The following SLC41A3 variants were observed in gnomAD, a reference collection of about 807,000 sequenced individuals.
SLC41A3 encodes the protein SLC41A1-like 2.
In SLC41A3, 44 loss-of-function variants were observed where a neutral mutation model predicts 45.4. The observed-to-expected ratio is 0.97, with a 90% CI of 0.76 to 1.25. SLC41A3 has a LOEUF of 1.25. Ranked by LOEUF, SLC41A3 falls within the 50% of genes most tolerant of loss-of-function variation. SLC41A3 has a pLI of 0.00. For missense variants in SLC41A3, 550 were observed against 600.6 expected, an observed-to-expected ratio of 0.92 and a Z score of 0.88; for synonymous variants, 256 against 252.4, an observed-to-expected ratio of 1.01 and a Z score of -0.13.
chr3:126,048,397 G>A (rs1189884171), intron 3 of SLC41A3, among the ~76,000 whole-genome samples: 3 of 152,070 alleles, frequency 2.0e-5, no homozygotes, highest in South Asian at 2.1e-4. Context: ...CAGTGTGTAC[G>A]GGAGTATATA....
intron 1 of SLC41A3, among the ~76,000 whole-genome samples, chr3:126,090,355 T>C (rs1241998426): frequency 6.6e-6 from 1 of 152,196 alleles, no homozygotes; most frequent in Non-Finnish European, 1.5e-5. Flanking sequence ...TACACAGAAA[T>C]TGGTCTTACT....
chr3:126,017,747 C>T (rs1048396423), intron 6 of SLC41A3, among the ~76,000 whole-genome samples: 1 of 152,186 alleles, frequency 6.6e-6, no homozygotes, highest in African/African-American at 2.4e-5. Context: ...CATGTACTCC[C>T]TCTCTGGGGG....
chr3:126,035,944 CT>C (rs976892333), intron 3 of SLC41A3, among the ~76,000 whole-genome samples: 2 of 152,104 alleles, frequency 1.3e-5, no homozygotes, highest in African/African-American at 4.8e-5. Context: ...TGGGGCCAGT[CT>C]GAATAGGAAT....
intron 3 of SLC41A3, among the ~76,000 whole-genome samples, chr3:126,034,358 GAA>G (rs1942033078): frequency 6.6e-6 from 1 of 152,198 alleles, no homozygotes; most frequent in South Asian, 2.1e-4. Flanking sequence ...ACATAAATCA[GAA>G]AAGTTTTCAA....
At chr3:126,042,197 C>T (rs1219653246) in intron 3 of SLC41A3, among the ~76,000 whole-genome samples, 3 of 152,120 alleles carry the variant, frequency 2.0e-5, no homozygotes, top group Admixed American at 6.5e-5. Flanking sequence ...AATGTAGGCC[C>T]ATGCGTGCCT....
chr3:126,094,514 A>C (rs1945555838), intron 1 of SLC41A3, among the ~76,000 whole-genome samples: 1 of 152,258 alleles, frequency 6.6e-6, no homozygotes, highest in Non-Finnish European at 1.5e-5. Flanking sequence ...AACTGACTTA[A>C]GAGCCATCAA....
At chr3:126,067,316 T>C (rs1162908775) in intron 2 of SLC41A3, among the ~76,000 whole-genome samples, 1 of 152,206 alleles carries the variant, frequency 6.6e-6, no homozygotes, top group African/African-American at 2.4e-5. Context: ...CAAAAATTCG[T>C]ATGTTGAAGT....
intron 6 of SLC41A3, among the ~76,000 whole-genome samples, chr3:126,022,434 G>C (rs1453807616): frequency 6.6e-6 from 1 of 152,204 alleles, no homozygotes; most frequent in Non-Finnish European, 1.5e-5. Flanking sequence ...ATTTGGTGAG[G>C]GCCTTCTTGC....
intron 5 of SLC41A3, chr3:126,023,366 G>C (rs967718658): frequency 2.6e-5 from 4 of 152,152 alleles, no homozygotes; most frequent in Non-Finnish European, 5.8e-5. Context: ...CAGACATCCA[G>C]ATGGAAACAG....
intron 6 of SLC41A3, among the ~76,000 whole-genome samples, chr3:126,020,845 C>T (rs1217097635): frequency 6.6e-6 from 1 of 152,136 alleles, no homozygotes; most frequent in Non-Finnish European, 1.5e-5. Context: ...TTTAGATAAA[C>T]TCAACCGATT....
intron 3 of SLC41A3, among the ~76,000 whole-genome samples, chr3:126,046,087 G>A (rs1942940646): frequency 6.6e-6 from 1 of 150,842 alleles, no homozygotes. Flanking sequence ...GAAATAAAAG[G>A]AAACTACCTC....
At chr3:126,091,240 A>T (rs1945483364) in intron 1 of SLC41A3, among the ~76,000 whole-genome samples, 1 of 152,240 alleles carries the variant, frequency 6.6e-6, no homozygotes, top group Non-Finnish European at 1.5e-5. Flanking sequence ...GGTCTCAATC[A>T]GTTAGAAGCT....
chr3:126,088,052 A>G (rs2886241), upstream of SLC41A3, among the ~76,000 whole-genome samples: 93,483 of 151,850 alleles, frequency 0.62, 29,260 homozygotes, highest in African/African-American at 0.73. Flanking sequence ...AAATGGCCTT[A>G]GATAATAGAT....
In SLC41A3 at chr3:126,056,579, G is replaced by A. The variant is rs149734030; in HGVS notation, c.274-5529C>T. 2.1e-4 allele frequency: 333 copies of A among 1,607,206 alleles called. 2 individuals are homozygous for A. In the African/African-American group the frequency reaches 4.0e-3, roughly 20 times the overall value. On this transcript the variant is annotated intron_variant, in intron 2 of 10. Transcript: ENST00000360370. ...GCCAGGCAATGCACCACGATCCCAGGAGCACGAAGTCAGAGCCTGGGGTGC... is the reference window on the plus strand; with the variant it reads ...GCCAGGCAATGCACCACGATCCCAGAAGCACGAAGTCAGAGCCTGGGGTGC...
At chr3:126,099,592 C>T (rs865834131) in intron 1 of SLC41A3, among the ~76,000 whole-genome samples, 34 of 152,152 alleles carry the variant, frequency 2.2e-4, no homozygotes, top group Middle Eastern at 3.4e-3. Context: ...CTCAGCTACT[C>T]GGGAGGCTGA....
chr3:126,030,849 G>A (rs1384304521), intron 4 of SLC41A3, among the ~76,000 whole-genome samples: 1 of 152,172 alleles, frequency 6.6e-6, no homozygotes, highest in Non-Finnish European at 1.5e-5. Context: ...GTGAGAAAAT[G>A]GTTCTCTTAT....
At chr3:126,019,196 A>C (rs962011352) in intron 6 of SLC41A3, among the ~76,000 whole-genome samples, 1 of 152,164 alleles carries the variant, frequency 6.6e-6, no homozygotes, top group Non-Finnish European at 1.5e-5. Flanking sequence ...CATGTAGCTC[A>C]GGTCTCTCTT....
chr3:126,016,856 C>A lies in SLC41A3; in HGVS notation c.765G>T (p.Pro255=), dbSNP rs768237185. ...GAGCCGCAAAGCTGAGGCAGACCAG[C>A]GGCGTCAGATACCGACTATCTGAAA... ...YRHKDSRYLT[P]LVCLSFAALT... is the part of the protein sequence containing the mutation. Residue 255 remains proline, a synonymous_variant, in exon 7 of 11, where the codon CCG becomes CCT. Transcript: ENST00000360370. 6.2e-7 allele frequency: 1 copy of A among 1,612,556 alleles called. No homozygotes were observed. The highest frequency in any genetic ancestry group is 8.5e-7 in the Non-Finnish European group (1 of 1,179,808).
chr3:126,017,339 G>T (rs190445997), intron 6 of SLC41A3, among the ~76,000 whole-genome samples: 1 of 152,320 alleles, frequency 6.6e-6, no homozygotes, highest in Non-Finnish European at 1.5e-5. Flanking sequence ...CCCCGTCAGG[G>T]CTATGGCCTG....
Sources: gnomAD v4.1 joint callset for allele counts (sites outside exome capture counted in the v4.1 genomes callset) on GRCh38, gnomAD v4.1.1 for gene constraint, MANE v1.5 for transcripts, NCBI Gene and HGNC (gene_info 2026-07-23, HGNC 2026-07-21) for gene names.